Variants in PRLR observed in about 807,000 individuals in gnomAD.
The protein encoded by PRLR is prolactin receptor, also known as hPRL receptor.
Under a neutral mutation model 40.2 loss-of-function variants are expected in PRLR, and 13 were observed. That is an observed-to-expected ratio of 0.32 (90% confidence interval 0.21 to 0.51). The LOEUF (loss-of-function observed/expected upper bound fraction) is 0.51. Ranked by LOEUF, PRLR falls within the 20% of genes least tolerant of loss-of-function variation. The pLI is 0.97. For missense variants in PRLR, 656 were observed against 747.3 expected (o/e 0.88, Z 1.42); for synonymous variants, 269 against 278.7 (o/e 0.97, Z 0.35).
intron 2 of PRLR, among the ~76,000 whole-genome samples, chr5:35,117,576 G>T (rs1202100862): frequency 6.6e-6 from 1 of 152,204 alleles, no homozygotes; most frequent in Non-Finnish European, 1.5e-5. Flanking sequence ...AAGACCCAGA[G>T]CCTGTCACAC....
At chr5:35,135,782 T>C (rs916340244) in intron 1 of PRLR, among the ~76,000 whole-genome samples, 7 of 152,178 alleles carry the variant, frequency 4.6e-5, no homozygotes, top group Non-Finnish European at 1.0e-4. Context: ...GGAGCCTGCC[T>C]TGGGCAGCCA....
rs536243469 is a variant in PRLR, at chr5:35,202,060, A to G, written c.-106+28208T>C. ...CTCTGGAGCCAAATTGTCTGGGATC[A>G]CCTAACTAGCTGTGTGACCTTGGAC... On this transcript the variant is annotated intron_variant, in intron 1 of 9. Coordinates refer to ENST00000618457, the MANE Select transcript of PRLR (RefSeq NM_000949.7). Among the ~76,000 whole-genome samples, 105 of 152,298 alleles carry G rather than the reference A, an allele frequency of 6.9e-4. 1 individual carries two copies. Among genetic ancestry groups the G allele is most frequent in the African/African-American group, 2.4e-3 (101 of 41,566 alleles).
intron 4 of PRLR, 109 bp downstream of exon 4, chr5:35,086,099 T>C: frequency 5.9e-6 from 8 of 1,365,202 alleles, no homozygotes; most frequent in Non-Finnish European, 8.2e-6. Flanking sequence ...GGTATGAACC[T>C]TACTGGTGTA....
At chr5:35,102,899 C>T (rs896549619) in intron 2 of PRLR, among the ~76,000 whole-genome samples, 24 of 152,094 alleles carry the variant, frequency 1.6e-4, no homozygotes, top group African/African-American at 5.8e-4. Flanking sequence ...ATAGTTCTCA[C>T]TTTTGTTAGC....
chr5:35,049,998 C>T (rs1328281474), intron 8 of PRLR, among the ~76,000 whole-genome samples: 11 of 151,262 alleles, frequency 7.3e-5, no homozygotes, highest in African/African-American at 2.7e-4. Flanking sequence ...ACCTCCGCCT[C>T]CCAGGTTCAA....
In PRLR at chr5:35,229,116, T is replaced by A. The variant is rs11748269; in HGVS notation, c.-106+1152A>T. On this transcript the variant is annotated intron_variant, in intron 1 of 9. Transcript: ENST00000618457. Reference sequence around the variant, plus strand: ...CCTCATTAAACATTTATATATATATTATATATATTTCTATAATATATATAT... The same window carrying A: ...CCTCATTAAACATTTATATATATATAATATATATTTCTATAATATATATAT... Among the ~76,000 whole-genome samples the A allele has an allele frequency of 6.5e-3, 965 of 147,756 alleles. 2 individuals are homozygous for A. Among genetic ancestry groups the A allele is most frequent in the South Asian group, 0.012 (59 of 4,746 alleles).
intron 1 of PRLR, among the ~76,000 whole-genome samples, chr5:35,138,487 A>C (rs1773922969): frequency 6.6e-6 from 1 of 152,110 alleles, no homozygotes; most frequent in Non-Finnish European, 1.5e-5. Context: ...CTGTGGAGAG[A>C]TTGGAATTTA....
chr5:35,097,812 G>A (rs577731019), intron 2 of PRLR, among the ~76,000 whole-genome samples: 41 of 152,234 alleles, frequency 2.7e-4, no homozygotes, highest in Admixed American at 4.6e-4. Flanking sequence ...GATCATATGT[G>A]TCAAGATCTT....
chr5:35,185,169 C>T (rs577253906), intron 1 of PRLR, among the ~76,000 whole-genome samples: 23 of 152,328 alleles, frequency 1.5e-4, no homozygotes, highest in East Asian at 1.2e-3. Context: ...TCTGATGCTT[C>T]GTCCATACAC....
intron 1 of PRLR, among the ~76,000 whole-genome samples, chr5:35,196,368 C>G (rs1775736811): frequency 6.6e-6 from 1 of 152,150 alleles, no homozygotes; most frequent in Non-Finnish European, 1.5e-5. Context: ...AAAAAATAGT[C>G]CTATTTTATG....
intron 1 of PRLR, among the ~76,000 whole-genome samples, chr5:35,181,159 T>C (rs557651571): frequency 6.6e-6 from 1 of 152,356 alleles, no homozygotes; most frequent in African/African-American, 2.4e-5. Context: ...TATAGTTAAA[T>C]ATCTAGCAAC....
intron 1 of PRLR, among the ~76,000 whole-genome samples, chr5:35,128,549 G>A (rs974130917): frequency 2.0e-5 from 3 of 150,920 alleles, no homozygotes; most frequent in Non-Finnish European, 4.4e-5. Context: ...ATCCTTGATT[G>A]GTTGAATTCA....
In PRLR at chr5:35,077,914, T is replaced by A. The variant is rs186238085; in HGVS notation, c.374-5170A>T. 1.6e-3 allele frequency among the ~76,000 whole-genome samples: 239 copies of A among 152,144 alleles called. 1 individual carries two copies. The highest frequency in any genetic ancestry group is 5.5e-3 in the African/African-American group (230 of 41,454). ...GATTAAGAAACTCACTCAAAACTGC[T>A]CAACTACATGGAAACTGAACAACCT... On this transcript the variant is annotated intron_variant, in intron 5 of 9. Coordinates refer to ENST00000618457, the MANE Select transcript of PRLR (RefSeq NM_000949.7).
chr5:35,050,035 G>A (rs533310611), intron 8 of PRLR, among the ~76,000 whole-genome samples: 3 of 151,348 alleles, frequency 2.0e-5, no homozygotes, highest in Admixed American at 6.6e-5. Context: ...AGCCTCCCAA[G>A]TAGCTGGGAT....
intron 1 of PRLR, among the ~76,000 whole-genome samples, chr5:35,170,109 C>T (rs1774955407): frequency 6.6e-6 from 1 of 152,130 alleles, no homozygotes; most frequent in Non-Finnish European, 1.5e-5. Context: ...TCACTGAGAA[C>T]ACATTATTGT....
intron 1 of PRLR, among the ~76,000 whole-genome samples, chr5:35,183,610 G>A (rs561007278): frequency 6.6e-6 from 1 of 152,288 alleles, no homozygotes; most frequent in South Asian, 2.1e-4. Context: ...AAAGCCAGTG[G>A]TCTTCAGGAC....
intron 1 of PRLR, among the ~76,000 whole-genome samples, chr5:35,131,764 G>C (rs993674513): frequency 2.6e-5 from 4 of 152,150 alleles, no homozygotes; most frequent in Non-Finnish European, 5.9e-5. Context: ...AGTTATCACA[G>C]TCAGGAGCAC....
chr5:35,098,915 G>A (rs1268146146), intron 2 of PRLR, among the ~76,000 whole-genome samples: 2 of 152,182 alleles, frequency 1.3e-5, no homozygotes, highest in African/African-American at 2.4e-5. Flanking sequence ...AAAATGAAGT[G>A]CCTTGGCCAA....
Position 35,107,111 on chromosome 5 carries a change from T to C in PRLR, c.-44+10950A>G, listed in dbSNP as rs548724733. 3.9e-5 allele frequency among the ~76,000 whole-genome samples: 6 copies of C among 152,316 alleles called. No individual in the cohort carries two copies. In the South Asian group the frequency reaches 1.2e-3, roughly 32 times the overall value. On this transcript the variant is annotated intron_variant, in intron 2 of 9. Coordinates refer to ENST00000618457, the MANE Select transcript of PRLR (RefSeq NM_000949.7). ...ACAACTACATGGAAACTGAACAACC[T>C]GCTCCTGAATGACTACTGGGTAAAT... is the stretch of plus-strand genomic sequence containing the variant.
Sources: gnomAD v4.1 joint callset for allele counts (sites outside exome capture counted in the v4.1 genomes callset) on GRCh38, gnomAD v4.1.1 for gene constraint, MANE v1.5 for transcripts, NCBI Gene and HGNC (gene_info 2026-07-23, HGNC 2026-07-21) for gene names.